The following DNAH10 variants were observed in gnomAD, a reference collection of about 807,000 sequenced individuals.
DNAH10 encodes axonemal beta dynein heavy chain 10.
In DNAH10, 348 loss-of-function variants were observed where a neutral mutation model predicts 506.6. The ratio of observed to expected loss-of-function variants is 0.69; its 90% CI spans 0.63 to 0.75. The LOEUF (loss-of-function observed/expected upper bound fraction) is 0.75. Ranked by LOEUF, DNAH10 falls within the 30% of genes least tolerant of loss-of-function variation. DNAH10 has a pLI of 0.00. For missense variants in DNAH10, 5,179 were observed against 5,787.1 expected (o/e 0.89, Z 3.41); for synonymous variants, 2,059 against 2,198.6 (o/e 0.94, Z 1.78).
chr12:123,810,079 A>G (rs1958873026), intron 19 of DNAH10, among the ~76,000 whole-genome samples: 1 of 152,198 alleles, frequency 6.6e-6, no homozygotes, highest in Admixed American at 6.5e-5. Flanking sequence ...TGTAAGATCC[A>G]TGGGAATACA....
intron 39 of DNAH10, among the ~76,000 whole-genome samples, chr12:123,863,185 G>A (rs1304608633): frequency 2.0e-5 from 3 of 152,214 alleles, no homozygotes; most frequent in Non-Finnish European, 4.4e-5. Context: ...CAGTAGAATA[G>A]CCTCTGTCCT....
At chr12:123,858,547 G>A (rs1222645476) in intron 37 of DNAH10, among the ~76,000 whole-genome samples, 2 of 152,202 alleles carry the variant, frequency 1.3e-5, no homozygotes, top group African/African-American at 2.4e-5. Flanking sequence ...AGGTTAAACC[G>A]AGAGTTACCA....
rs557238196 is a variant in DNAH10 at position 123,932,060 on chromosome 12, A to T, written c.13248A>T (p.Gly4416=). The T allele has an allele frequency of 1.7e-5, 28 of 1,614,000 alleles. 2 individuals carry two copies. In the South Asian group the frequency reaches 3.0e-4, roughly 17 times the overall value. ...RLAPDTLKSL[G]NWMVYFLRRF... The stretch of plus-strand genomic sequence containing the variant: ...CTCCTGACACCTTAAAGTCCCTTGG[A>T]AACTGGATGGTCTACTTCCTGCGGC... Residue 4416 remains glycine, a synonymous_variant, in exon 76 of 79, where the codon GGA becomes GGT. Transcript: ENST00000673944.
Position 123,930,560 on chromosome 12 carries a change from G to A in DNAH10, c.12771G>A (p.Lys4257=). 6.2e-7 allele frequency: 1 copy of A among 1,605,092 alleles called. No homozygotes were observed. ...ACAAAATCCCTGTTGGTGATGAAAA[G>A]GAGAAATTTGTTGGTGAGATTTCTC... ...VDYKIPVGDE[K]EKFVEAIEAL... is the part of the protein sequence containing the mutation. The change falls in exon 73 of 79, where the codon AAG becomes AAA. Residue 4257 remains lysine (K), a synonymous_variant. Transcript: ENST00000673944.
At chr12:123,860,057 C>G (rs1437950902) in intron 38 of DNAH10, among the ~76,000 whole-genome samples, 1 of 151,264 alleles carries the variant, frequency 6.6e-6, no homozygotes. Context: ...GAGAGTATGT[C>G]ATAAAAGCCT....
At chr12:123,826,556 T>C in intron 24 of DNAH10, 131 bp from the exon 25 acceptor site, 1 of 685,588 alleles carries the variant, frequency 1.5e-6, no homozygotes, top group Admixed American at 3.2e-5. Context: ...TGTTTGTGAA[T>C]TTCAGGTAGT....
At chr12:123,769,972 G>A (rs1477880493) in intron 2 of DNAH10, among the ~76,000 whole-genome samples, 1 of 149,912 alleles carries the variant, frequency 6.7e-6, no homozygotes, top group African/African-American at 2.5e-5. Context: ...CTGTTGTGGT[G>A]GCTCACGCCT....
intron 27 of DNAH10, among the ~76,000 whole-genome samples, 159 bp downstream of exon 27, chr12:123,833,506 CAA>C (rs1202921006): frequency 6.6e-6 from 1 of 152,150 alleles, no homozygotes; most frequent in Non-Finnish European, 1.5e-5. Context: ...ATTTTGAGGA[CAA>C]GAGTGCATGA....
At chr12:123,921,691 GTTTTTTTTTTTTTTTTTTTTTTT>G (rs35553163) in intron 65 of DNAH10, among the ~76,000 whole-genome samples, 90 of 62,884 alleles carry the variant, frequency 1.4e-3, no homozygotes, top group Middle Eastern at 0.01. Flanking sequence ...GTAGCTTGCA[GTTTTTTTTTTTTTTTTTTTTTTT>G]TTTTTTTTTT....
rs140985648 is a variant in DNAH10, at chr12:123,830,594, C to G, written c.4440C>G (p.Thr1480=). 3.7e-6 allele frequency: 6 copies of G among 1,613,450 alleles called. No homozygotes were observed. In the East Asian group the frequency reaches 1.3e-4, roughly 36 times the overall value. Residue 1480 remains threonine (T), a synonymous_variant, in exon 26 of 79, where the codon ACC becomes ACG. Coordinates refer to ENST00000673944, the MANE Select transcript of DNAH10 (RefSeq NM_001372106.1). ...MEKTSVFFEM[T]ETFTLENMFA... ...AAACGTCTGTCTTTTTTGAAATGAC[C>G]GAAACGTTCACCTTGGAAAATATGT...
Position 123,848,055 on chromosome 12 carries a change from T to C in DNAH10, c.5909T>C (p.Leu1970Pro). Residue 1970 changes from leucine to proline, a missense_variant, in exon 33 of 79, where the codon CTC (leucine) becomes CCC (proline). Transcript: ENST00000673944. Reference sequence around the variant, plus strand: ...GACCTGGCGAAAGCCTTGGGCTTGCTCTGTGTTGTCACCAACTGTGGCGAA... The same window carrying C: ...GACCTGGCGAAAGCCTTGGGCTTGCCCTGTGTTGTCACCAACTGTGGCGAA... Reference protein sequence around the residue: ...TKDLAKALGLLCVVTNCGEGM... With the variant: ...TKDLAKALGLPCVVTNCGEGM... 1 of 1,613,858 alleles carries C rather than the reference T, an allele frequency of 6.2e-7. No homozygotes were observed. Among genetic ancestry groups the C allele is most frequent in the Non-Finnish European group, 8.5e-7 (1 of 1,179,824 alleles).
intron 47 of DNAH10, among the ~76,000 whole-genome samples, 171 bp downstream of exon 47, chr12:123,875,662 A>G (rs577257412): frequency 1.1e-4 from 17 of 152,218 alleles, no homozygotes; most frequent in Non-Finnish European, 2.4e-4. Flanking sequence ...AATCATCTTT[A>G]TACGATGCCA....
intron 52 of DNAH10, among the ~76,000 whole-genome samples, chr12:123,892,366 A>G (rs1487032368): frequency 1.3e-5 from 2 of 152,124 alleles, no homozygotes; most frequent in Non-Finnish European, 1.5e-5. Flanking sequence ...ACCAGATCTC[A>G]CGAGAACTCA....
intron 29 of DNAH10, 40 bp downstream of exon 29, chr12:123,838,729 T>G: frequency 6.3e-7 from 1 of 1,575,680 alleles, no homozygotes; most frequent in Non-Finnish European, 8.7e-7. Context: ...CGTGTAAGCC[T>G]TAGAACCGCC....
In DNAH10 at chr12:123,916,807, A is replaced by G; in HGVS notation, c.11002+71A>G. On this transcript the variant is annotated intron_variant, in intron 63 of 78. Coordinates refer to ENST00000673944, the MANE Select transcript of DNAH10 (RefSeq NM_001372106.1). This position sits in a 1 kb window ranked among gnomAD's most constrained non-coding sequence, Gnocchi z 4.6. ...GGAGACCGCAACCTCAGATCAAGGC[A>G]TTCATGGGACATCATTTCACTCAGT... 6.6e-7 allele frequency: 1 copy of G among 1,510,738 alleles called. No homozygotes were observed. Among genetic ancestry groups the G allele is most frequent in the Non-Finnish European group, 8.8e-7 (1 of 1,130,794 alleles). 93.6% of individuals were successfully genotyped at this position (1,510,738 alleles called of 1,614,324 possible).
In DNAH10 at chr12:123,929,439, G is replaced by C; in HGVS notation, c.12471G>C (p.Lys4157Asn). Reference protein sequence around the residue: ...AVVQERRKFGKIGWNVYYDFN... With the variant: ...AVVQERRKFGNIGWNVYYDFN... ...TGCAGGAGAGAAGGAAGTTTGGGAA[G>C]ATTGGCTGGAACGTGTACTATGACT... The change falls in exon 71 of 79, where the codon AAG (lysine) becomes AAC (asparagine). Residue 4157 changes from lysine to asparagine, a missense_variant. This residue lies in a region of DNAH10 where 4,844 missense variants were observed against 5,430.5 expected (regional missense o/e 0.89). Transcript: ENST00000673944. The C allele has an allele frequency of 6.2e-7, 1 of 1,613,816 alleles. No homozygotes were observed. The highest frequency in any genetic ancestry group is 8.5e-7 in the Non-Finnish European group (1 of 1,179,858).
At chr12:123,924,828 C>A (rs1954870469) in intron 67 of DNAH10, among the ~76,000 whole-genome samples, 1 of 152,354 alleles carries the variant, frequency 6.6e-6, no homozygotes, top group South Asian at 2.1e-4. Context: ...TGTACCATGT[C>A]CCTTGATGGG....
intron 76 of DNAH10, chr12:123,932,469 C>T (rs1384249476): frequency 1.6e-5 from 3 of 192,134 alleles, no homozygotes; most frequent in South Asian, 1.7e-4. Context: ...GCCTACATTT[C>T]GGTGGTTACC....
At chr12:123,851,583 C>T (rs956819502) in intron 35 of DNAH10, among the ~76,000 whole-genome samples, 1 of 152,244 alleles carries the variant, frequency 6.6e-6, no homozygotes, top group Non-Finnish European at 1.5e-5. Context: ...TCTCACATAG[C>T]CACAGTCCAT....
Sources: allele counts gnomAD v4.1 joint callset (sites outside exome capture counted in the v4.1 genomes callset), GRCh38; gene constraint gnomAD v4.1.1; regional missense constraint gnomAD v4.1.1; non-coding constraint Gnocchi (gnomAD v3.1); transcripts MANE v1.5; gene names NCBI Gene and HGNC (gene_info 2026-07-23, HGNC 2026-07-21).